SYNJ1: variants seen among roughly 807,000 people sequenced by gnomAD.
SYNJ1 encodes synaptojanin 1.
SYNJ1 carries 78 observed loss-of-function variants against 168.2 expected under a neutral mutation model. The ratio of observed to expected loss-of-function variants is 0.46; its 90% CI spans 0.39 to 0.56. The LOEUF is 0.56. Among genes scored for constraint, SYNJ1 ranks in the 20% least tolerant of loss-of-function variants. SYNJ1 has a pLI of 0.00. For missense variants in SYNJ1, 1,303 were observed against 1,597.6 expected (o/e 0.82, Z 3.14); for synonymous variants, 539 against 548.6 (o/e 0.98, Z 0.24).
chr21:32,658,175 T>C (rs1314383527), intron 18 of SYNJ1, among the ~76,000 whole-genome samples: 1 of 152,094 alleles, frequency 6.6e-6, no homozygotes, highest in Non-Finnish European at 1.5e-5. Context: ...AGAACTTATA[T>C]CCCTGTTTTC....
chr21:32,714,784 C>T (rs2042962824), intron 2 of SYNJ1, among the ~76,000 whole-genome samples: 1 of 152,172 alleles, frequency 6.6e-6, no homozygotes, highest in Non-Finnish European at 1.5e-5. Context: ...TTTCTACCTT[C>T]TTCTGCCAAT....
intron 17 of SYNJ1, among the ~76,000 whole-genome samples, chr21:32,665,363 A>G (rs1055234069): frequency 2.6e-5 from 4 of 152,212 alleles, no homozygotes; most frequent in African/African-American, 9.7e-5. Context: ...CCCACAGGAA[A>G]TTCCTTGTGG....
intron 23 of SYNJ1, among the ~76,000 whole-genome samples, 200 bp downstream of exon 23, chr21:32,649,984 A>G (rs1005168469): frequency 6.6e-6 from 1 of 152,188 alleles, no homozygotes; most frequent in African/African-American, 2.4e-5. Flanking sequence ...TCCTGGCCTC[A>G]GGCAATCCAC....
intron 3 of SYNJ1, among the ~76,000 whole-genome samples, chr21:32,701,544 C>CG (rs938508921): frequency 1.4e-4 from 15 of 105,130 alleles, no homozygotes; most frequent in African/African-American, 3.5e-4. Context: ...CATTACGTGG[C>CG]AAAAAAAAAA....
intron 23 of SYNJ1, among the ~76,000 whole-genome samples, chr21:32,647,273 T>TA (rs1177666536): frequency 6.6e-6 from 1 of 152,234 alleles, no homozygotes; most frequent in Non-Finnish European, 1.5e-5. Context: ...CCCCACTTGC[T>TA]ACAGTCATCT....
chr21:32,727,972 T>C lies in SYNJ1; in HGVS notation c.-49A>G, dbSNP rs780877494. The C allele has an allele frequency of 3.1e-5, 48 of 1,533,934 alleles. No individual in the cohort carries two copies. The highest frequency in any genetic ancestry group is 3.8e-5 in the Non-Finnish European group (43 of 1,145,860). The stretch of plus-strand genomic sequence containing the variant: ...TCTTCCTCCGGCTCCTCCTCCTCCT[T>C]CTCCCGCAGCCGCCGCCACAGCCGC... On this transcript the variant is annotated 5_prime_UTR_variant, in exon 1 of 33. Coordinates refer to ENST00000674351, the MANE Select transcript of SYNJ1 (RefSeq NM_203446.3).
intron 4 of SYNJ1, 34 bp downstream of exon 4, chr21:32,699,804 T>C: frequency 6.3e-7 from 1 of 1,591,780 alleles, no homozygotes; most frequent in Non-Finnish European, 8.5e-7. Flanking sequence ...ACATATTATG[T>C]CCCAAATCAC....
At chr21:32,649,715 C>A (rs574314328) in intron 23 of SYNJ1, among the ~76,000 whole-genome samples, 1 of 152,122 alleles carries the variant, frequency 6.6e-6, no homozygotes, top group Non-Finnish European at 1.5e-5. Flanking sequence ...TTAAAGTATA[C>A]GCAAAATAAA....
chr21:32,650,457 T>A (rs1231543921), intron 22 of SYNJ1, 111 bp from the exon 23 acceptor site: 1 of 872,424 alleles, frequency 1.1e-6, no homozygotes, highest in African/African-American at 1.8e-5. Flanking sequence ...TTAATTTAGT[T>A]AGACAATTCA....
At chr21:32,676,596 G>C (rs901648391) in intron 12 of SYNJ1, among the ~76,000 whole-genome samples, 2 of 152,170 alleles carry the variant, frequency 1.3e-5, no homozygotes, top group Admixed American at 1.3e-4. Context: ...TTCACCATCA[G>C]AAGCTCCTAG....
rs1382039592 is a variant in SYNJ1, at chr21:32,631,450, C to G, written c.*355G>C. The G allele has an allele frequency of 6.2e-7, 1 of 1,614,036 alleles. No homozygotes were observed. The highest frequency in any genetic ancestry group is 1.1e-5 in the South Asian group (1 of 91,080). On this transcript the variant is annotated 3_prime_UTR_variant, in exon 33 of 33. Transcript: ENST00000674351. The stretch of plus-strand genomic sequence containing the variant: ...GAGAACCATGAAGTTGCCTCTGATT[C>G]TTCAGACTTGGCTCTAAATGGGTTT...
intron 2 of SYNJ1, among the ~76,000 whole-genome samples, chr21:32,716,584 T>A (rs572086398): frequency 6.6e-6 from 1 of 152,338 alleles, no homozygotes; most frequent in South Asian, 2.1e-4. Flanking sequence ...ACTTTTAAGA[T>A]CTTCTCTGTA....
chr21:32,728,155 C>CTG, upstream of SYNJ1: 1 of 1,291,066 alleles, frequency 7.7e-7, no homozygotes, highest in Non-Finnish European at 1.0e-6. Flanking sequence ...CGCGGGCGGC[C>CTG]CCAGCCTCAG....
intron 32 of SYNJ1, 26 bp downstream of exon 32, chr21:32,634,831 CACAT>C: frequency 6.2e-7 from 1 of 1,612,314 alleles, no homozygotes. Context: ...CGGATGAAAA[CACAT>C]GTAAGATTGA....
intron 5 of SYNJ1, 150 bp downstream of exon 5, chr21:32,694,906 CT>C (rs1376812525): frequency 4.4e-5 from 37 of 833,034 alleles, no homozygotes; most frequent in Middle Eastern, 3.7e-4. Flanking sequence ...TTAGGGAAGC[CT>C]TTTTTTAAGG....
intron 13 of SYNJ1, 101 bp downstream of exon 13, chr21:32,676,231 A>C: frequency 1.1e-6 from 1 of 910,274 alleles, no homozygotes; most frequent in Non-Finnish European, 1.6e-6. Context: ...TGGCAAAATG[A>C]GAAAGTTTCC....
At chr21:32,675,082 G>A (rs796553064) in intron 13 of SYNJ1, among the ~76,000 whole-genome samples, 28 of 152,218 alleles carry the variant, frequency 1.8e-4, no homozygotes, top group African/African-American at 6.7e-4. Flanking sequence ...AAAGCTGACT[G>A]TACCTAGATA....
chr21:32,661,617 C>T (rs1210949903), intron 18 of SYNJ1, among the ~76,000 whole-genome samples: 1 of 152,090 alleles, frequency 6.6e-6, no homozygotes, highest in Non-Finnish European at 1.5e-5. Flanking sequence ...AACTACATGC[C>T]GCCTACTGAC....
In SYNJ1 at chr21:32,673,401, A is replaced by G; in HGVS notation, c.1665T>C (p.Asn555=). The G allele has an allele frequency of 6.2e-7, 1 of 1,613,872 alleles. No homozygotes were observed. Among genetic ancestry groups the G allele is most frequent in the Non-Finnish European group, 8.5e-7 (1 of 1,179,902 alleles). The change falls in exon 14 of 33, where the codon AAT becomes AAC. Residue 555 remains asparagine, a synonymous_variant. Transcript: ENST00000674351. The part of the protein sequence containing the change: ...GKQFRSIAFK[N]QTLTDWLLDA... The stretch of plus-strand genomic sequence containing the variant: ...CAAGAAGCCAGTCAGTGAGTGTCTG[A>G]TTCTTAAAAGCTATGCTGCGAAATT...
Sources: gnomAD v4.1 joint callset for allele counts (sites outside exome capture counted in the v4.1 genomes callset) on GRCh38, gnomAD v4.1.1 for gene constraint, MANE v1.5 for transcripts, NCBI Gene and HGNC (gene_info 2026-07-23, HGNC 2026-07-21) for gene names.